Variants in PNLIPRP1 observed in about 807,000 individuals in gnomAD.
PNLIPRP1 encodes the protein pancreatic lipase related protein 1.
A neutral mutation model predicts 54.6 loss-of-function variants in PNLIPRP1; 57 were observed. That is an observed-to-expected ratio of 1.04 (90% confidence interval 0.84 to 1.30). The LOEUF (loss-of-function observed/expected upper bound fraction) is 1.30. Among genes scored for constraint, PNLIPRP1 ranks in the 50% most tolerant of loss-of-function variants. PNLIPRP1 has a pLI of 0.00. For missense variants in PNLIPRP1, 567 were observed against 568.5 expected (o/e 1.00, Z 0.03); for synonymous variants, 232 against 208.8 (o/e 1.11, Z -0.96).
chr10:116,594,313 C>A, intron 4 of PNLIPRP1: 1 of 514,318 alleles, frequency 1.9e-6, no homozygotes, highest in Non-Finnish European at 3.9e-6. Flanking sequence ...TCTCACTTTC[C>A]AGCAGCCTGG....
intron 11 of PNLIPRP1, among the ~76,000 whole-genome samples, chr10:116,604,493 C>T (rs1295072901): frequency 2.6e-5 from 4 of 152,040 alleles, no homozygotes; most frequent in African/African-American, 9.7e-5. Flanking sequence ...GTGCCATCTA[C>T]GTTTGTGTGA....
At chr10:116,600,518 A>T (rs548883246) in intron 9 of PNLIPRP1, 1 of 219,382 alleles carries the variant, frequency 4.6e-6, no homozygotes, top group African/African-American at 2.3e-5. Flanking sequence ...GAGCGAGAGT[A>T]GAAGAATGTA....
chr10:116,591,257 G>T (rs1202044659), intron 2 of PNLIPRP1, 79 bp downstream of exon 2: 9 of 1,131,304 alleles, frequency 8.0e-6, no homozygotes, highest in Non-Finnish European at 1.2e-5. Flanking sequence ...CTTTAACTGT[G>T]GCAGGGCTCC....
chr10:116,608,993 A>AAAAC, intron 12 of PNLIPRP1, 60 bp from the exon 13 acceptor site: 4 of 1,315,422 alleles, frequency 3.0e-6, no homozygotes, highest in Non-Finnish European at 4.4e-6. Context: ...AAAACAAAAC[A>AAAAC]AAACACCTGG....
At chr10:116,595,021 C>A (rs1847711162) in intron 5 of PNLIPRP1, 157 bp downstream of exon 5, 2 of 802,434 alleles carry the variant, frequency 2.5e-6, no homozygotes, top group South Asian at 2.1e-5. Flanking sequence ...TAATGACACG[C>A]CAGTGGAAGC....
chr10:116,604,149 A>G lies in PNLIPRP1; in HGVS notation c.1172+11A>G, dbSNP rs1554865236. On this transcript the variant is annotated intron_variant, in intron 11 of 12. Transcript: ENST00000358834. The stretch of plus-strand genomic sequence containing the variant: ...GTACAGTATCTTCAGGTAATTTCCT[A>G]TTTTAACACTACGTCTCATTTGATG... 2 of 1,388,314 alleles carry G rather than the reference A, an allele frequency of 1.4e-6. 1 individual carries two copies. The highest frequency in any genetic ancestry group is 2.3e-5 in the South Asian group (2 of 85,966). The allele number at this position is 1,388,314 out of a possible 1,614,324, so 86.0% of individuals were successfully genotyped here.
chr10:116,599,961 T>G, intron 8 of PNLIPRP1, 86 bp from the exon 9 acceptor site: 1 of 825,212 alleles, frequency 1.2e-6, no homozygotes, highest in Admixed American at 2.0e-5. Flanking sequence ...GGTCCTACTT[T>G]GGAACCATCC....
chr10:116,598,836 G>C lies in PNLIPRP1; in HGVS notation c.814+670G>C, dbSNP rs570248571. Among the ~76,000 whole-genome samples the C allele has an allele frequency of 8.5e-5, 13 of 152,338 alleles. No homozygotes were observed. The East Asian group carries it at 2.5e-3, about 29-fold the overall frequency. ...AATGGACAGGTGAAGTTTTCATCCA[G>C]ACTTGTCATGTGGCACCACACGGAG... is the stretch of plus-strand genomic sequence containing the variant. On this transcript the variant is annotated intron_variant, in intron 8 of 12. Transcript: ENST00000358834.
At chr10:116,605,688 C>G (rs1847925810) in intron 12 of PNLIPRP1, 135 bp downstream of exon 12, 3 of 536,744 alleles carry the variant, frequency 5.6e-6, no homozygotes, top group Middle Eastern at 2.9e-4. Context: ...CCCTTCTCCC[C>G]AAACAAGCAA....
intron 8 of PNLIPRP1, among the ~76,000 whole-genome samples, chr10:116,599,774 G>A (rs1847800435): frequency 6.6e-6 from 1 of 152,182 alleles, no homozygotes; most frequent in South Asian, 2.1e-4. Context: ...ATAGGAATGA[G>A]ATGATAATGC....
intron 8 of PNLIPRP1, 26 bp downstream of exon 8, chr10:116,598,192 G>C (rs1244646000): frequency 6.2e-7 from 1 of 1,603,490 alleles, no homozygotes; most frequent in African/African-American, 1.3e-5. Flanking sequence ...GGTGAGGGGA[G>C]CAGGGCGGGT....
At position 116,591,780 on chromosome 10, in the gene PNLIPRP1, T is replaced by A. The variant is rs200996195; in HGVS notation, c.59T>A (p.Val20Asp). 1 of 1,614,108 alleles carries A rather than the reference T, an allele frequency of 6.2e-7. No homozygotes were observed. The highest frequency in any genetic ancestry group is 8.5e-7 in the Non-Finnish European group (1 of 1,180,006). The change falls in exon 3 of 13, where the codon GTT becomes GAT. Residue 20 changes from valine to aspartate, a missense_variant. Coordinates refer to ENST00000358834, the MANE Select transcript of PNLIPRP1 (RefSeq NM_006229.4). ...FLLGAAKGKE[V>D]CYEDLGCFSD... ...CAACCTTTCTCTGTAGGAAAAGAAG[T>A]TTGCTATGAGGACCTCGGGTGCTTT...
Position 116,609,037 on chromosome 10 carries a change from T to A in PNLIPRP1, c.1341-16T>A. On this transcript the variant is annotated splice_polypyrimidine_tract_variant and intron_variant, in intron 12 of 12. Coordinates refer to ENST00000358834, the MANE Select transcript of PNLIPRP1 (RefSeq NM_006229.4). ...AAGGTGACCCAAACTCTTACAAAGC[T>A]TCCTTTTCTCCCCAGGTACAACTTC... The A allele has an allele frequency of 6.2e-7, 1 of 1,600,656 alleles. No individual in the cohort carries two copies. The highest frequency in any genetic ancestry group is 8.6e-7 in the Non-Finnish European group (1 of 1,167,698).
chr10:116,597,669 A>C (rs1554864123), intron 6 of PNLIPRP1, among the ~76,000 whole-genome samples, 159 bp from the exon 7 acceptor site: 2 of 152,184 alleles, frequency 1.3e-5, no homozygotes. Context: ...TTCAGACTCT[A>C]TGTCCTCATA....
Position 116,591,868 on chromosome 10 carries a change from T to C in PNLIPRP1, c.147T>C (p.Pro49=). Residue 49 remains proline, a synonymous_variant, in exon 3 of 13, where the codon CCT becomes CCC. Coordinates refer to ENST00000358834, the MANE Select transcript of PNLIPRP1 (RefSeq NM_006229.4). ...CCCTGAAAATTCTCCCCTGGAGCCC[T>C]GAGAAGATCGGCACCCGCTTCCTGC... ...IRPLKILPWS[P]EKIGTRFLLY... The C allele has an allele frequency of 1.2e-6, 2 of 1,614,194 alleles. No homozygotes were observed. Among genetic ancestry groups the C allele is most frequent in the Non-Finnish European group, 1.7e-6 (2 of 1,180,030 alleles).
chr10:116,609,011 T>TA (rs782357276), intron 12 of PNLIPRP1, 42 bp from the exon 13 acceptor site: 2 of 1,463,062 alleles, frequency 1.4e-6, no homozygotes, highest in Admixed American at 3.3e-5. Flanking sequence ...TGGCTTTTGC[T>TA]AAGGTGACCC....
At chr10:116,605,325 A>G in intron 11 of PNLIPRP1, 61 bp from the exon 12 acceptor site, 1 of 872,854 alleles carries the variant, frequency 1.1e-6, no homozygotes, top group African/African-American at 1.7e-5. Context: ...GCAGCCTGGC[A>G]TTGTATGGTA....
intron 10 of PNLIPRP1, among the ~76,000 whole-genome samples, chr10:116,603,707 A>G (rs1648048137): frequency 6.6e-6 from 1 of 152,170 alleles, no homozygotes. Flanking sequence ...AGCTTGACCA[A>G]CATGGCGAAA....
chr10:116,605,389 G>T lies in PNLIPRP1; in HGVS notation c.1176G>T (p.Gly392=), dbSNP rs782329959. The change falls in exon 12 of 13, where the codon GGG becomes GGT. Residue 392 remains glycine (G), a synonymous_variant. Coordinates refer to ENST00000358834, the MANE Select transcript of PNLIPRP1 (RefSeq NM_006229.4). The part of the protein sequence containing the change: ...GNTHQYSIFR[G]ILKPGSTHSY... ...GTTTATGTTTCTCTATTTCAAGGGG[G>T]ATTCTCAAACCAGGCTCAACCCATT... 3 of 1,569,586 alleles carry T rather than the reference G, an allele frequency of 1.9e-6. No homozygotes were observed. The highest frequency in any genetic ancestry group is 2.6e-6 in the Non-Finnish European group (3 of 1,149,452).
Sources: gnomAD v4.1 joint callset for allele counts (sites outside exome capture counted in the v4.1 genomes callset) on GRCh38, gnomAD v4.1.1 for gene constraint, MANE v1.5 for transcripts, NCBI Gene and HGNC (gene_info 2026-07-23, HGNC 2026-07-21) for gene names.